The following SLC25A43 variants were observed in gnomAD, a reference collection of about 807,000 sequenced individuals.
SLC25A43 encodes solute carrier family 25, member 43.
In SLC25A43, 10 loss-of-function variants were observed where a neutral mutation model predicts 22.8. The observed-to-expected ratio is 0.44, with a 90% confidence interval of 0.27 to 0.74. The LOEUF (loss-of-function observed/expected upper bound fraction) is 0.74. SLC25A43 is among the 30% of genes least tolerant of loss of function. The probability of loss-of-function intolerance (pLI) is 0.17; values close to 1 mark genes in which losing one functional copy is unlikely to be tolerated. For synonymous variants in SLC25A43, 106 were observed against 121.6 expected, an observed-to-expected ratio of 0.87 and a Z score of 0.84; for missense variants, 233 against 279.1, an observed-to-expected ratio of 0.83 and a Z score of 1.18.
intron 3 of SLC25A43, among the ~76,000 whole-genome samples, chrX:119,443,953 T>C (rs2052644968): frequency 9.3e-6 from 1 of 107,576 alleles, no homozygotes; most frequent in African/African-American, 3.4e-5. Flanking sequence ...TGAGGTTTCG[T>C]CATGTTGCCC....
intron 3 of SLC25A43, among the ~76,000 whole-genome samples, chrX:119,427,609 A>AT (rs1194048775): frequency 3.3e-4 from 36 of 110,310 alleles, no homozygotes; most frequent in Middle Eastern, 4.2e-3. Context: ...TATGACTGGC[A>AT]TTTTTTTTTG....
chrX:119,409,860 C>T (rs1207526754), intron 2 of SLC25A43, among the ~76,000 whole-genome samples: 1 of 111,889 alleles, frequency 8.9e-6, no homozygotes, highest in Non-Finnish European at 1.9e-5. Flanking sequence ...AGGTGATCCT[C>T]CCGCCTTGGC....
chrX:119,410,222 G>A lies in SLC25A43; in HGVS notation c.550G>A (p.Val184Ile), dbSNP rs201543108. Residue 184 changes from valine (V) to isoleucine (I), a missense_variant, in exon 3 of 5, where the codon GTT becomes ATT. Physicochemically the swap from Val to Ile is conservative, Grantham distance 29. Coordinates refer to ENST00000217909, the MANE Select transcript of SLC25A43 (RefSeq NM_145305.3). ...CCCGTTCTCTGCTGGCTCCCTTCTTGTTTACATGAACCTGGAGAAAATCTG... is the reference window on the plus strand; with the variant it reads ...CCCGTTCTCTGCTGGCTCCCTTCTTATTTACATGAACCTGGAGAAAATCTG... ...ALPFSAGSLL[V>I]YMNLEKIWNG... The A allele has an allele frequency of 8.1e-5, 98 of 1,208,517 alleles. No individual in the cohort carries two copies. The highest frequency in any genetic ancestry group is 9.3e-5 in the Non-Finnish European group (83 of 894,886).
chrX:119,402,156 CA>C (rs2052243918), intron 1 of SLC25A43, among the ~76,000 whole-genome samples: 1 of 111,875 alleles, frequency 8.9e-6, no homozygotes. Context: ...ATTTGCAAAA[CA>C]GTTGGCTGGG....
chrX:119,453,023 C>A lies in SLC25A43; in HGVS notation c.984C>A (p.Phe328Leu), dbSNP rs2052717655. 2 of 1,209,468 alleles carry A rather than the reference C, an allele frequency of 1.7e-6. No homozygotes were observed. The highest frequency in any genetic ancestry group is 2.2e-6 in the Non-Finnish European group (2 of 895,113). The change falls in exon 5 of 5, where the codon TTC becomes TTA. Residue 328 changes from phenylalanine (F) to leucine (L), a missense_variant. Coordinates refer to ENST00000217909, the MANE Select transcript of SLC25A43 (RefSeq NM_145305.3). ...AGGAATTACGAGAATTAAAGAAGTT[C>A]TTCAAAACGAGAAAACCGAAGCCTA... ...QPQELRELKK[F>L]FKTRKPKPKK...
intron 1 of SLC25A43, among the ~76,000 whole-genome samples, chrX:119,404,992 C>A (rs1210893046): frequency 1.8e-5 from 2 of 111,358 alleles, no homozygotes; most frequent in Non-Finnish European, 3.8e-5. Flanking sequence ...ATCTTTTAAC[C>A]CACAATCAGA....
chrX:119,435,454 A>ATTC (rs2052594706), intron 3 of SLC25A43, among the ~76,000 whole-genome samples: 2 of 47,155 alleles, frequency 4.2e-5, no homozygotes, highest in Admixed American at 3.2e-4. Context: ...TTTAGATTTT[A>ATTC]TTCTTTTTTT....
chrX:119,424,167 C>T (rs1261367526), intron 3 of SLC25A43, among the ~76,000 whole-genome samples: 1 of 104,179 alleles, frequency 9.6e-6, no homozygotes, highest in African/African-American at 3.5e-5. Context: ...GAGCGGAGAT[C>T]GCACTACTGC....
chrX:119,449,717 G>A (rs1011573049), intron 3 of SLC25A43, among the ~76,000 whole-genome samples: 4 of 111,118 alleles, frequency 3.6e-5, no homozygotes, highest in African/African-American at 1.3e-4. Flanking sequence ...GTAACAGAGC[G>A]AGACTCTGTC....
chrX:119,453,410 T>C lies in SLC25A43; in HGVS notation c.*345T>C, dbSNP rs41304514. 0.014 allele frequency: 2,841 copies of C among 208,948 alleles called. 68 individuals carry two copies. The highest frequency in any genetic ancestry group is 0.069 in the African/African-American group (2,380 of 34,306). The allele number at this position is 208,948 out of a possible 1,213,427, so 17.2% of individuals were successfully genotyped here. ...ATCTCAAAGCAACAGGTAATTGAAGTGGCTGAGTGGATACCACGTTGTGAG... is the reference window on the plus strand; with the variant it reads ...ATCTCAAAGCAACAGGTAATTGAAGCGGCTGAGTGGATACCACGTTGTGAG... On this transcript the variant is annotated 3_prime_UTR_variant, in exon 5 of 5. Coordinates refer to ENST00000217909, the MANE Select transcript of SLC25A43 (RefSeq NM_145305.3).
intron 3 of SLC25A43, among the ~76,000 whole-genome samples, chrX:119,449,089 T>C (rs1398593224): frequency 9.1e-6 from 1 of 110,464 alleles, no homozygotes; most frequent in Non-Finnish European, 1.9e-5. Flanking sequence ...GTGGTCTGAA[T>C]TGGAATTTTA....
intron 3 of SLC25A43, among the ~76,000 whole-genome samples, chrX:119,421,572 ACATCTGCC>A (rs1157955762): frequency 8.9e-6 from 1 of 111,996 alleles, no homozygotes; most frequent in Non-Finnish European, 1.9e-5. Context: ...CTGTCTTGGA[ACATCTGCC>A]CAATTTTCTT....
At chrX:119,424,576 G>C (rs761226468) in intron 3 of SLC25A43, among the ~76,000 whole-genome samples, 1 of 111,737 alleles carries the variant, frequency 8.9e-6, no homozygotes, top group East Asian at 2.8e-4. Context: ...ATGAGGGAGC[G>C]GGAAAGCAAA....
At chrX:119,410,973 A>G (rs1017669597) in intron 3 of SLC25A43, among the ~76,000 whole-genome samples, 11 of 110,985 alleles carry the variant, frequency 9.9e-5, no homozygotes, top group African/African-American at 3.3e-4. Context: ...CTTCCTGATT[A>G]TATCACTTGT....
intron 3 of SLC25A43, among the ~76,000 whole-genome samples, chrX:119,417,478 T>A (rs2052414006): frequency 9.1e-6 from 1 of 109,699 alleles, no homozygotes; most frequent in African/African-American, 3.3e-5. Flanking sequence ...CAATGACATC[T>A]AAATGGGACG....
intron 3 of SLC25A43, among the ~76,000 whole-genome samples, chrX:119,424,212 CAA>C (rs201882702): frequency 1.5e-3 from 91 of 59,220 alleles, no homozygotes; most frequent in African/African-American, 4.9e-3. Context: ...GACTCCGTCT[CAA>C]AAAAAAAAAA....
At chrX:119,426,694 G>A (rs757299338) in intron 3 of SLC25A43, among the ~76,000 whole-genome samples, 19 of 110,000 alleles carry the variant, frequency 1.7e-4, no homozygotes, top group Admixed American at 2.9e-4. Flanking sequence ...ATGGTGGCGC[G>A]CGCCCGTAGT....
At chrX:119,444,438 G>A (rs918818946) in intron 3 of SLC25A43, among the ~76,000 whole-genome samples, 4 of 111,448 alleles carry the variant, frequency 3.6e-5, no homozygotes, top group Non-Finnish European at 7.5e-5. Flanking sequence ...AGGCGCAGTG[G>A]CTCATGCCTG....
chrX:119,416,224 T>TG (rs2147266396), intron 3 of SLC25A43, among the ~76,000 whole-genome samples: 1 of 109,891 alleles, frequency 9.1e-6, no homozygotes, highest in South Asian at 4.0e-4. Flanking sequence ...GCCTTTTTTT[T>TG]TTTTAATTTT....
Sources: allele counts gnomAD v4.1 joint callset (sites outside exome capture counted in the v4.1 genomes callset), GRCh38; gene constraint gnomAD v4.1.1; transcripts MANE v1.5; gene names NCBI Gene and HGNC (gene_info 2026-07-23, HGNC 2026-07-21).